Variants in LGR4 observed in about 807,000 individuals in gnomAD.
The protein encoded by LGR4 is leucine-rich repeat-containing G protein-coupled receptor 4.
A neutral mutation model predicts 84.8 loss-of-function variants in LGR4; 44 were observed. The observed-to-expected ratio is 0.52, with a 90% CI of 0.41 to 0.67. The LOEUF (loss-of-function observed/expected upper bound fraction) is 0.67. Ranked by LOEUF, LGR4 falls within the 30% of genes least tolerant of loss-of-function variation. The pLI is 0.00. For missense variants in LGR4, 1,032 were observed against 1,131.4 expected (o/e 0.91, Z 1.26); for synonymous variants, 429 against 434.3 (o/e 0.99, Z 0.15).
chr11:27,457,505 A>T (rs566975501), intron 1 of LGR4, among the ~76,000 whole-genome samples: 9 of 152,236 alleles, frequency 5.9e-5, no homozygotes, highest in Non-Finnish European at 1.2e-4. Flanking sequence ...ATCAGTTTTT[A>T]ACAGCTTTTG....
chr11:27,457,399 A>G (rs1160130282), intron 1 of LGR4, among the ~76,000 whole-genome samples: 1 of 152,236 alleles, frequency 6.6e-6, no homozygotes, highest in Non-Finnish European at 1.5e-5. Flanking sequence ...ACTGCTAGGT[A>G]TCATAAAGGG....
intron 1 of LGR4, among the ~76,000 whole-genome samples, chr11:27,463,424 G>C (rs1864720620): frequency 6.6e-6 from 1 of 151,958 alleles, no homozygotes; most frequent in African/African-American, 2.4e-5. Flanking sequence ...AGCAGAGAAG[G>C]GATGAAAACT....
At chr11:27,401,415 G>T (rs959631630) in intron 2 of LGR4, among the ~76,000 whole-genome samples, 6 of 152,038 alleles carry the variant, frequency 3.9e-5, no homozygotes, top group Admixed American at 1.3e-4. Context: ...CCAGGCAACA[G>T]TTATACTTCC....
At chr11:27,427,651 A>G (rs1864046427) in intron 1 of LGR4, among the ~76,000 whole-genome samples, 1 of 152,176 alleles carries the variant, frequency 6.6e-6, no homozygotes, top group Non-Finnish European at 1.5e-5. Context: ...CAATTCCTAC[A>G]CCTTTGCAAC....
chr11:27,386,456 CTTCTT>C (rs1394715239), intron 4 of LGR4, among the ~76,000 whole-genome samples: 2 of 152,184 alleles, frequency 1.3e-5, no homozygotes, highest in African/African-American at 4.8e-5. Flanking sequence ...CAGCCTTGGA[CTTCTT>C]TGTGAAAATT....
Position 27,376,793 on chromosome 11 carries a change from C to T in LGR4, c.1109+365G>A, listed in dbSNP as rs527426060. 5.9e-5 allele frequency among the ~76,000 whole-genome samples: 9 copies of T among 152,222 alleles called. No homozygotes were observed. In the South Asian group the frequency reaches 1.9e-3, roughly 32 times the overall value. On this transcript the variant is annotated intron_variant, in intron 12 of 17. Transcript: ENST00000379214. ...TAGAGTTAAAATGGGAGAATTAATGCCTCCCCCTTCCCATCTCCCAACCAG... is the reference window on the plus strand; with the variant it reads ...TAGAGTTAAAATGGGAGAATTAATGTCTCCCCCTTCCCATCTCCCAACCAG...
intron 5 of LGR4, 144 bp from the exon 6 acceptor site, chr11:27,384,551 C>G: frequency 6.2e-6 from 4 of 646,134 alleles, no homozygotes; most frequent in Non-Finnish European, 8.2e-6. Flanking sequence ...TTTCTGTTGA[C>G]CACAGAAAAC....
At chr11:27,470,247 G>A (rs1590419997) in intron 1 of LGR4, among the ~76,000 whole-genome samples, 1 of 152,118 alleles carries the variant, frequency 6.6e-6, no homozygotes, top group African/African-American at 2.4e-5. Context: ...CAAAGTTGAA[G>A]ATACAGCATT....
chr11:27,366,591 CA>C lies in LGR4; in HGVS notation c.*1275del, dbSNP rs1211513465. ...TTTGCTATTGATTTAGCACACTGTTCAAAAAACATATTGAACAATTATAACT... is the reference window on the plus strand; with the variant it reads ...TTTGCTATTGATTTAGCACACTGTTCAAAAACATATTGAACAATTATAACT... On this transcript the variant is annotated 3_prime_UTR_variant, in exon 18 of 18. Coordinates refer to ENST00000379214, the MANE Select transcript of LGR4 (RefSeq NM_018490.5). The C allele has an allele frequency of 6.6e-6, 1 of 152,438 alleles. No individual in the cohort carries two copies. Among genetic ancestry groups the C allele is most frequent in the East Asian group, 1.9e-4 (1 of 5,182 alleles). The allele number at this position is 152,438 out of a possible 1,614,324, so 9.4% of individuals were successfully genotyped here. A position where few individuals can be genotyped will look rare whatever the true frequency, so the allele number is the denominator to read the frequency against.
intron 1 of LGR4, among the ~76,000 whole-genome samples, chr11:27,433,409 T>G (rs1321365255): frequency 1.3e-4 from 19 of 151,716 alleles, no homozygotes; most frequent in Admixed American, 1.2e-3. Context: ...TTTTTTTTTT[T>G]TTTAGTAGAG....
chr11:27,374,176 G>T, intron 13 of LGR4, 130 bp from the exon 14 acceptor site: 1 of 683,104 alleles, frequency 1.5e-6, no homozygotes, highest in Admixed American at 2.2e-5. Flanking sequence ...TTCAATCTTG[G>T]CCAGCAATAT....
chr11:27,471,752 G>A (rs916175958), intron 1 of LGR4: 1 of 166,650 alleles, frequency 6.0e-6, no homozygotes, highest in Non-Finnish European at 1.3e-5. Flanking sequence ...GGGCCCTCAT[G>A]AGAAGGGAAG....
In LGR4 at chr11:27,417,699, C is replaced by T. The variant is rs1286169112; in HGVS notation, c.186-4839G>A. On this transcript the variant is annotated intron_variant, in intron 1 of 17. Transcript: ENST00000379214. Reference sequence around the variant, plus strand: ...CAGAGAAAACCATCCACAATATCAACACCCACTGGTAACCACAGCCATATT... The same window carrying T: ...CAGAGAAAACCATCCACAATATCAATACCCACTGGTAACCACAGCCATATT... Among the ~76,000 whole-genome samples, 12 of 152,284 alleles carry T rather than the reference C, an allele frequency of 7.9e-5. No homozygotes were observed. The South Asian group carries it at 1.2e-3, about 16-fold the overall frequency.
At chr11:27,390,300 T>C (rs1302327015) in intron 4 of LGR4, among the ~76,000 whole-genome samples, 1 of 152,182 alleles carries the variant, frequency 6.6e-6, no homozygotes, top group Admixed American at 6.6e-5. Flanking sequence ...ACAAATTGTA[T>C]GCAAATATGT....
At chr11:27,409,014 A>G (rs934934574) in intron 2 of LGR4, among the ~76,000 whole-genome samples, 2 of 152,138 alleles carry the variant, frequency 1.3e-5, no homozygotes, top group African/African-American at 4.8e-5. Context: ...ACTAGGTAAC[A>G]CTATTTATGA....
chr11:27,446,985 T>C (rs1383537865), intron 1 of LGR4, among the ~76,000 whole-genome samples: 1 of 144,502 alleles, frequency 6.9e-6, no homozygotes, highest in Admixed American at 7.2e-5. Flanking sequence ...AACTGAATAA[T>C]GAGAACACTT....
intron 2 of LGR4, among the ~76,000 whole-genome samples, chr11:27,397,276 T>C (rs1863409620): frequency 6.6e-6 from 1 of 152,180 alleles, no homozygotes; most frequent in Non-Finnish European, 1.5e-5. Context: ...TATGAACTCA[T>C]GATATCACCT....
At chr11:27,402,866 A>T (rs141421689) in intron 2 of LGR4, among the ~76,000 whole-genome samples, 291 of 152,266 alleles carry the variant, frequency 1.9e-3, no homozygotes, top group Admixed American at 4.1e-3. Context: ...GTACACAGTC[A>T]TCTAGTGATC....
intron 15 of LGR4, 79 bp from the exon 16 acceptor site, chr11:27,372,477 TTTGA>T: frequency 9.3e-6 from 8 of 858,492 alleles, no homozygotes; most frequent in Non-Finnish European, 1.6e-5. Flanking sequence ...TATTTTAAAC[TTTGA>T]AAACCTCAGC....
Sources: allele counts gnomAD v4.1 joint callset (sites outside exome capture counted in the v4.1 genomes callset), GRCh38; gene constraint gnomAD v4.1.1; transcripts MANE v1.5; gene names NCBI Gene and HGNC (gene_info 2026-07-23, HGNC 2026-07-21).